NEDD4L: variants seen among roughly 807,000 people sequenced by gnomAD.
The protein encoded by NEDD4L is NEDD4 like E3 ubiquitin protein ligase.
A neutral mutation model predicts 148.9 loss-of-function variants in NEDD4L; 54 were observed. That is an observed-to-expected ratio of 0.36 (90% confidence interval 0.29 to 0.45). The LOEUF (loss-of-function observed/expected upper bound fraction) is 0.45, where lower values mean the gene tolerates loss of function less well. NEDD4L is among the 20% of genes least tolerant of loss of function. The pLI, the probability that NEDD4L is intolerant of heterozygous loss-of-function variation, is 1.00. For synonymous variants in NEDD4L, 433 were observed against 440.7 expected, an observed-to-expected ratio of 0.98 and a Z score of 0.22; for missense variants, 856 against 1,233.8, an observed-to-expected ratio of 0.69 and a Z score of 4.59.
chr18:58,267,828 G>A (rs1299699802), intron 5 of NEDD4L, among the ~76,000 whole-genome samples: 1 of 151,942 alleles, frequency 6.6e-6, no homozygotes, highest in Non-Finnish European at 1.5e-5. Context: ...ATAATGTGTG[G>A]GCATTAAAGC....
chr18:58,172,037 A>G (rs2037571510), intron 2 of NEDD4L, among the ~76,000 whole-genome samples: 1 of 152,096 alleles, frequency 6.6e-6, no homozygotes, highest in African/African-American at 2.4e-5. Flanking sequence ...TTGGGGGTAC[A>G]TGAGGCCCAG....
intron 2 of NEDD4L, among the ~76,000 whole-genome samples, chr18:58,180,811 C>T (rs1241091630): frequency 6.6e-6 from 1 of 152,206 alleles, no homozygotes; most frequent in Non-Finnish European, 1.5e-5. Flanking sequence ...GGAAAGCCTC[C>T]TGCAGAGGGG....
chr18:58,303,167 A>G (rs1016081227), intron 5 of NEDD4L, among the ~76,000 whole-genome samples: 1 of 152,208 alleles, frequency 6.6e-6, no homozygotes, highest in Admixed American at 6.5e-5. Flanking sequence ...GCCCATGTAC[A>G]CAGTGATTCT....
intron 1 of NEDD4L, among the ~76,000 whole-genome samples, chr18:58,074,434 ATTTTTTT>A (rs544878321): frequency 1.3e-4 from 14 of 111,764 alleles, no homozygotes; most frequent in African/African-American, 4.1e-4. Flanking sequence ...AATTTTTTGT[ATTTTTTT>A]TTTTTTTTTT....
intron 5 of NEDD4L, among the ~76,000 whole-genome samples, chr18:58,275,839 A>T (rs1293291975): frequency 6.6e-6 from 1 of 152,194 alleles, no homozygotes; most frequent in Non-Finnish European, 1.5e-5. Flanking sequence ...CTGGCTGCAC[A>T]TGAGAATCCC....
chr18:58,293,485 G>A (rs1019253478), intron 5 of NEDD4L, among the ~76,000 whole-genome samples: 3 of 152,170 alleles, frequency 2.0e-5, no homozygotes, highest in Non-Finnish European at 2.9e-5. Flanking sequence ...TCGTAAAAAG[G>A]CACAGCAATT....
intron 5 of NEDD4L, among the ~76,000 whole-genome samples, chr18:58,274,048 C>G (rs1366227253): frequency 1.3e-5 from 2 of 152,222 alleles, no homozygotes; most frequent in African/African-American, 4.8e-5. Flanking sequence ...GCTTCCACTT[C>G]CTGCCTTTTG....
At chr18:58,332,927 T>C (rs1461163287) in intron 11 of NEDD4L, among the ~76,000 whole-genome samples, 3 of 152,158 alleles carry the variant, frequency 2.0e-5, no homozygotes. Flanking sequence ...TCTTTTTTTT[T>C]AGCTTGATCT....
At chr18:58,087,545 A>C (rs1174625118) in intron 1 of NEDD4L, among the ~76,000 whole-genome samples, 2 of 152,158 alleles carry the variant, frequency 1.3e-5, no homozygotes, top group Admixed American at 6.6e-5. Flanking sequence ...GTGTTGCCGC[A>C]GTACAGATTG....
intron 5 of NEDD4L, among the ~76,000 whole-genome samples, chr18:58,283,128 C>T (rs1000455455): frequency 6.6e-6 from 1 of 151,972 alleles, no homozygotes; most frequent in Non-Finnish European, 1.5e-5. Context: ...CAGGCTGGAG[C>T]GCAGTGGTGC....
chr18:58,164,711 C>T (rs503073), intron 1 of NEDD4L, among the ~76,000 whole-genome samples: 4 of 152,176 alleles, frequency 2.6e-5, no homozygotes, highest in East Asian at 1.9e-4. Flanking sequence ...CCTCGTGATC[C>T]GCCTGCCTCG....
intron 1 of NEDD4L, among the ~76,000 whole-genome samples, chr18:58,113,607 T>G (rs2085552381): frequency 6.6e-6 from 1 of 151,942 alleles, no homozygotes. Context: ...TGAAATAAAG[T>G]CTGTATTGGA....
intron 20 of NEDD4L, among the ~76,000 whole-genome samples, chr18:58,365,796 A>G (rs1159576657): frequency 1.3e-5 from 2 of 152,186 alleles, no homozygotes; most frequent in African/African-American, 4.8e-5. Context: ...TCGCTAGTGG[A>G]TGCCGTGTGT....
chr18:58,062,068 C>T (rs2144707898), intron 1 of NEDD4L, among the ~76,000 whole-genome samples: 1 of 152,220 alleles, frequency 6.6e-6, no homozygotes, highest in Middle Eastern at 3.4e-3. Flanking sequence ...TTGGTATTTT[C>T]AAAGTTATAT....
intron 2 of NEDD4L, among the ~76,000 whole-genome samples, chr18:58,224,496 C>G (rs2044136558): frequency 6.6e-6 from 1 of 152,204 alleles, no homozygotes; most frequent in Admixed American, 6.5e-5. Flanking sequence ...TTTTGATATA[C>G]TCCACTTTTT....
At chr18:58,181,145 T>C (rs2038821870) in intron 2 of NEDD4L, among the ~76,000 whole-genome samples, 1 of 152,250 alleles carries the variant, frequency 6.6e-6, no homozygotes, top group East Asian at 1.9e-4. Flanking sequence ...TTTACATAGC[T>C]AGTTTTAAAG....
intron 5 of NEDD4L, among the ~76,000 whole-genome samples, chr18:58,270,171 A>G (rs930904895): frequency 3.3e-5 from 5 of 152,222 alleles, no homozygotes; most frequent in African/African-American, 1.2e-4. Flanking sequence ...GGCTTTTGAT[A>G]ACTCCACGTC....
Position 58,115,261 on chromosome 18 carries a change from T to TC in NEDD4L, c.49-50526dup, listed in dbSNP as rs1555695969. 1.7e-3 allele frequency among the ~76,000 whole-genome samples: 258 copies of TC among 150,188 alleles called. 1 individual carries two copies. The highest frequency in any genetic ancestry group is 5.7e-3 in the African/African-American group (232 of 40,712). On this transcript the variant is annotated intron_variant, in intron 1 of 30. Transcript: ENST00000400345. ...TCTTTCTTTCTTTTTTTTTTTTTTT[T>TC]CTGGTTCTGGGCCCACAGTAGGTGC... is the stretch of plus-strand genomic sequence containing the variant.
intron 27 of NEDD4L, 175 bp downstream of exon 27, chr18:58,387,673 C>A: frequency 2.8e-6 from 2 of 716,624 alleles, no homozygotes; most frequent in African/African-American, 1.8e-5. Context: ...TATTACATGT[C>A]TCTTATGGGG....
Sources: gnomAD v4.1 joint callset for allele counts (sites outside exome capture counted in the v4.1 genomes callset) on GRCh38, gnomAD v4.1.1 for gene constraint, MANE v1.5 for transcripts, NCBI Gene and HGNC (gene_info 2026-07-23, HGNC 2026-07-21) for gene names.